Variants in SIDT1 observed in about 807,000 individuals in gnomAD.
SIDT1 encodes the protein SID1 transmembrane family member 1.
Under a neutral mutation model 107.5 loss-of-function variants are expected in SIDT1, and 101 were observed. That is an observed-to-expected ratio of 0.94 (90% CI 0.80 to 1.11). SIDT1 has a LOEUF of 1.11. Ranked by LOEUF, SIDT1 falls within the 50% of genes least tolerant of loss-of-function variation. The probability of loss-of-function intolerance (pLI) is 0.00; values close to 1 mark genes in which losing one functional copy is unlikely to be tolerated. For missense variants in SIDT1, 1,076 were observed against 1,058.2 expected (o/e 1.02, Z -0.23); for synonymous variants, 395 against 398.2 (o/e 0.99, Z 0.10).
intron 14 of SIDT1, 51 bp downstream of exon 14, chr3:113,605,027 G>T: frequency 6.3e-7 from 1 of 1,597,236 alleles, no homozygotes. Context: ...CTTTCTGCAG[G>T]GAGAGTCTCC....
intron 5 of SIDT1, 47 bp from the exon 6 acceptor site, chr3:113,581,314 C>T (rs1265751537): frequency 2.1e-6 from 3 of 1,453,474 alleles, no homozygotes; most frequent in Non-Finnish European, 2.9e-6. Flanking sequence ...CATGACATTG[C>T]ATGACATTAT....
At chr3:113,542,230 G>A (rs1938993340) in intron 1 of SIDT1, among the ~76,000 whole-genome samples, 1 of 152,010 alleles carries the variant, frequency 6.6e-6, no homozygotes, top group African/African-American at 2.4e-5. Flanking sequence ...GCATTAGTAG[G>A]TCAGTTTTTC....
chr3:113,566,171 C>G (rs1246278235), intron 1 of SIDT1, among the ~76,000 whole-genome samples: 1 of 152,110 alleles, frequency 6.6e-6, no homozygotes, highest in Non-Finnish European at 1.5e-5. Flanking sequence ...AAAAATTCTC[C>G]CCACGCAATT....
At chr3:113,576,148 T>A (rs1942882179) in intron 3 of SIDT1, among the ~76,000 whole-genome samples, 1 of 152,226 alleles carries the variant, frequency 6.6e-6, no homozygotes, top group African/African-American at 2.4e-5. Flanking sequence ...ACTACCAATT[T>A]ATGCTTCCTA....
chr3:113,624,869 T>C (rs1946736493), intron 23 of SIDT1, among the ~76,000 whole-genome samples: 1 of 152,258 alleles, frequency 6.6e-6, no homozygotes, highest in Non-Finnish European at 1.5e-5. Context: ...TGGCAGGATT[T>C]TATTCTTTTT....
Position 113,628,767 on chromosome 3 carries a change from G to A in SIDT1, c.*1059G>A, listed in dbSNP as rs1947008617. 6.6e-6 allele frequency: 1 copy of A among 152,252 alleles called. No homozygotes were observed. Among genetic ancestry groups the A allele is most frequent in the African/African-American group, 2.4e-5 (1 of 41,448 alleles). 9.4% of individuals were successfully genotyped at this position (152,252 alleles called of 1,614,324 possible). Reference sequence around the variant, plus strand: ...GCGAGTCCGTCATCTGTCACTTTATGTAGATCAGGGTTCTAGACTTCTTCC... The same window carrying A: ...GCGAGTCCGTCATCTGTCACTTTATATAGATCAGGGTTCTAGACTTCTTCC... On this transcript the variant is annotated 3_prime_UTR_variant, in exon 25 of 25. Transcript: ENST00000264852.
rs200853385 is a variant in SIDT1 at position 113,533,222 on chromosome 3, C to G, written c.201C>G (p.Asn67Lys). 1.3e-6 allele frequency: 2 copies of G among 1,498,176 alleles called. No homozygotes were observed. The highest frequency in any genetic ancestry group is 5.5e-5 in the East Asian group (2 of 36,520). The allele number at this position is 1,498,176 out of a possible 1,614,324, so 92.8% of individuals were successfully genotyped here. The change falls in exon 1 of 25, where the codon AAC becomes AAG. Residue 67 changes from asparagine (N) to lysine (K), a missense_variant. By Grantham distance (94) the Asn-to-Lys change is moderately conservative. Transcript: ENST00000264852. ...GCACCGAGAACATCTACTCTTTCAA[C>G]TACACCAGCCAGCCCGACCAGGTAA... ...NLSTENIYSF[N>K]YTSQPDQVTA...
intron 3 of SIDT1, among the ~76,000 whole-genome samples, chr3:113,571,188 G>A (rs1942411679): frequency 2.0e-5 from 3 of 152,194 alleles, no homozygotes; most frequent in Admixed American, 2.0e-4. Context: ...TCAGGAGGCT[G>A]AGGCAGGAGG....
At chr3:113,582,035 G>A (rs552267041) in intron 6 of SIDT1, among the ~76,000 whole-genome samples, 19 of 152,260 alleles carry the variant, frequency 1.2e-4, no homozygotes, top group African/African-American at 4.1e-4. Context: ...TGCCAATTTA[G>A]GGTGAAGTTT....
chr3:113,622,291 C>T (rs529549969), intron 21 of SIDT1, among the ~76,000 whole-genome samples: 2 of 151,662 alleles, frequency 1.3e-5, no homozygotes, highest in Admixed American at 6.6e-5. Context: ...GGTGAAACCC[C>T]GTCTCTACTA....
At chr3:113,558,620 C>T (rs1421083274) in intron 1 of SIDT1, among the ~76,000 whole-genome samples, 1 of 152,202 alleles carries the variant, frequency 6.6e-6, no homozygotes, top group Non-Finnish European at 1.5e-5. Flanking sequence ...GTGCAACACC[C>T]TGCATATAGG....
chr3:113,572,143 T>A (rs1204748371), intron 3 of SIDT1, among the ~76,000 whole-genome samples: 1 of 152,140 alleles, frequency 6.6e-6, no homozygotes, highest in Non-Finnish European at 1.5e-5. Flanking sequence ...AGAGAGTCAA[T>A]AATGCCAGTG....
At chr3:113,550,718 T>C (rs752276032) in intron 1 of SIDT1, among the ~76,000 whole-genome samples, 8 of 152,156 alleles carry the variant, frequency 5.3e-5, no homozygotes, top group African/African-American at 1.4e-4. Context: ...TTAAAAAAAT[T>C]TTTTTAAGTT....
At chr3:113,596,552 C>T (rs1468584309) in intron 10 of SIDT1, among the ~76,000 whole-genome samples, 1 of 152,182 alleles carries the variant, frequency 6.6e-6, no homozygotes, top group Admixed American at 6.5e-5. Context: ...GACTTTTTTA[C>T]TGTACTATGA....
rs1945798279 is a variant in SIDT1, at chr3:113,612,124, C to T, written c.1896C>T (p.Phe632=). 1 of 1,614,032 alleles carries T rather than the reference C, an allele frequency of 6.2e-7. No individual in the cohort carries two copies. Among genetic ancestry groups the T allele is most frequent in the Non-Finnish European group, 8.5e-7 (1 of 1,180,020 alleles). Residue 632 remains phenylalanine, a synonymous_variant, in exon 19 of 25, where the codon TTC becomes TTT. Coordinates refer to ENST00000264852, the MANE Select transcript of SIDT1 (RefSeq NM_017699.3). ...ATGACGTATGGTTCTGGGTCATCTT[C>T]TCTGCAATCCACGTTCTGGCCTCGC... ...GKNDVWFWVI[F]SAIHVLASLA...
At chr3:113,610,457 G>A (rs956810433) in intron 17 of SIDT1, among the ~76,000 whole-genome samples, 1 of 152,154 alleles carries the variant, frequency 6.6e-6, no homozygotes, top group Non-Finnish European at 1.5e-5. Context: ...GCATTGCATT[G>A]TTATCTTAAT....
chr3:113,603,221 C>T, intron 12 of SIDT1, 71 bp downstream of exon 12: 1 of 1,451,806 alleles, frequency 6.9e-7, no homozygotes, highest in Non-Finnish European at 9.4e-7. Flanking sequence ...TTCAGCAATA[C>T]CTCAGTTTCC....
chr3:113,556,408 G>T (rs1322504756), intron 1 of SIDT1, among the ~76,000 whole-genome samples: 1 of 151,204 alleles, frequency 6.6e-6, no homozygotes, highest in Admixed American at 6.6e-5. Context: ...GATAAGAAAG[G>T]GATTCAGGAC....
rs777497518 is a variant in SIDT1, at chr3:113,608,441, T to C, written c.1625T>C (p.Phe542Ser). Residue 542 changes from phenylalanine (F) to serine (S), a missense_variant, in exon 17 of 25, where the codon TTT becomes TCT. By Grantham distance (155) the Phe-to-Ser change is radical. Transcript: ENST00000264852. ...CAGGAGTACGGGATTCCCAAACACT[T>C]TGGTCTCTTCTACGCTATGGGCATT... Reference protein sequence around the residue: ...FAVEYGIPKHFGLFYAMGIAL... With the variant: ...FAVEYGIPKHSGLFYAMGIAL... 2 of 1,613,782 alleles carry C rather than the reference T, an allele frequency of 1.2e-6. No individual in the cohort carries two copies. Among genetic ancestry groups the C allele is most frequent in the South Asian group, 1.1e-5 (1 of 91,076 alleles).
Sources: allele counts gnomAD v4.1 joint callset (sites outside exome capture counted in the v4.1 genomes callset), GRCh38; gene constraint gnomAD v4.1.1; transcripts MANE v1.5; gene names NCBI Gene and HGNC (gene_info 2026-07-23, HGNC 2026-07-21).